The following SKI variants were observed in gnomAD, a reference collection of about 807,000 sequenced individuals.
The protein encoded by SKI is ski oncogene.
SKI carries 23 observed loss-of-function variants against 59.3 expected under a neutral mutation model. That is an observed-to-expected ratio of 0.39 (90% CI 0.28 to 0.55). The LOEUF (loss-of-function observed/expected upper bound fraction) is 0.55. Ranked by LOEUF, SKI falls within the 20% of genes least tolerant of loss-of-function variation. The pLI is 0.67. For synonymous variants in SKI, 673 were observed against 488.6 expected (o/e 1.38, Z -4.98); for missense variants, 1,017 against 1,038.9 (o/e 0.98, Z 0.29).
At chr1:2,251,409 C>T (rs1200654515) in intron 1 of SKI, among the ~76,000 whole-genome samples, 2 of 152,154 alleles carry the variant, frequency 1.3e-5, no homozygotes, top group African/African-American at 4.8e-5. Flanking sequence ...GGTGTGAACC[C>T]CCGCTCCCTC....
At position 2,302,993 on chromosome 1, in the gene SKI, C is replaced by T. The variant is rs770539313; in HGVS notation, c.985C>T (p.Pro329Ser). The T allele has an allele frequency of 2.5e-5, 40 of 1,613,492 alleles. 1 individual carries two copies. The highest frequency in any genetic ancestry group is 3.4e-5 in the Non-Finnish European group (40 of 1,180,046). ...RRVPRVSSEP[P>S]ASIRPKTDDT... is the part of the protein sequence containing the mutation. The stretch of plus-strand genomic sequence containing the variant: ...TTGATCGCAGGTCTCCTCTGAGCCT[C>T]CGGCCTCCATAAGACCCAAAACAGA... Residue 329 changes from proline (P) to serine (S), a missense_variant, in exon 2 of 7, where the codon CCG becomes TCG. Transcript: ENST00000378536.
In SKI at chr1:2,229,165, C is replaced by T. The variant is rs937379586; in HGVS notation, c.399C>T (p.Asp133=). 3.1e-6 allele frequency: 5 copies of T among 1,611,974 alleles called. No homozygotes were observed. Among genetic ancestry groups the T allele is most frequent in the South Asian group, 1.1e-5 (1 of 90,992 alleles). ...LPQILNSVLR[D]FSLQQINAVC... The stretch of plus-strand genomic sequence containing the variant: ...AGATTCTCAACTCGGTGCTGCGCGA[C>T]TTCTCGCTGCAGCAGATCAACGCGG... The change falls in exon 1 of 7, where the codon GAC becomes GAT. Residue 133 remains aspartate, a synonymous_variant. Transcript: ENST00000378536. This position sits in a 1 kb window ranked among gnomAD's most constrained non-coding sequence, Gnocchi z 6.3.
intron 1 of SKI, among the ~76,000 whole-genome samples, chr1:2,280,850 C>A (rs60627793): frequency 5.1e-4 from 2 of 3,908 alleles, no homozygotes; most frequent in African/African-American, 1.1e-3. Flanking sequence ...GCGGCGGCGG[C>A]GATCTTCAGA....
In SKI at chr1:2,303,027, C is replaced by G; in HGVS notation, c.1019C>G (p.Ser340Cys). 6.2e-7 allele frequency: 1 copy of G among 1,613,762 alleles called. No individual in the cohort carries two copies. The highest frequency in any genetic ancestry group is 1.7e-5 in the Admixed American group (1 of 60,034). The change falls in exon 2 of 7, where the codon TCT becomes TGT. Residue 340 changes from serine to cysteine, a missense_variant. Ser to Cys is a moderately radical substitution (Grantham distance 112). Coordinates refer to ENST00000378536, the MANE Select transcript of SKI (RefSeq NM_003036.4). The surrounding 1 kb of genome is among the most constrained non-coding windows in gnomAD (Gnocchi z 5.6). The stretch of plus-strand genomic sequence containing the variant: ...ATAAGACCCAAAACAGATGACACCT[C>G]TTCCCAGTCCCCCGCGCCTTCCGAA... ...ASIRPKTDDT[S>C]SQSPAPSEKD...
In SKI at chr1:2,310,060, CTATTTT is replaced by C. The variant is rs2100935402; in HGVS notation, c.*3299_*3304del. ...TGATGCTTACTCTGCTACTCGGAAA[CTATTTT>C]TATGTAATTAATGTATGCTTTCTTG... On this transcript the variant is annotated 3_prime_UTR_variant, in exon 7 of 7. Coordinates refer to ENST00000378536, the MANE Select transcript of SKI (RefSeq NM_003036.4). The C allele has an allele frequency of 6.6e-6, 1 of 151,152 alleles. No individual in the cohort carries two copies. The highest frequency in any genetic ancestry group is 2.4e-5 in the African/African-American group (1 of 41,084). 9.4% of individuals were successfully genotyped at this position (151,152 alleles called of 1,614,324 possible).
intron 1 of SKI, among the ~76,000 whole-genome samples, chr1:2,284,204 G>A (rs1038263579): frequency 2.0e-5 from 3 of 152,070 alleles, no homozygotes; most frequent in East Asian, 1.9e-4. Context: ...CCAACACAGC[G>A]TCCTCCCCGT....
At chr1:2,243,585 C>T (rs528143450) in intron 1 of SKI, among the ~76,000 whole-genome samples, 4 of 152,202 alleles carry the variant, frequency 2.6e-5, no homozygotes, top group Non-Finnish European at 5.9e-5. Flanking sequence ...GGCTGTGGTG[C>T]ACCATGTGGG....
intron 1 of SKI, among the ~76,000 whole-genome samples, chr1:2,272,822 C>T (rs888449376): frequency 2.6e-4 from 39 of 152,174 alleles, no homozygotes; most frequent in Admixed American, 2.0e-4. Flanking sequence ...GTTCTCACCA[C>T]GCCCCGAGCC....
chr1:2,263,577 G>GT (rs1037487187), intron 1 of SKI, among the ~76,000 whole-genome samples: 23 of 150,830 alleles, frequency 1.5e-4, no homozygotes, highest in Admixed American at 4.0e-4. Flanking sequence ...GTTGGTGTGT[G>GT]TTTTTTTTTC....
chr1:2,308,176 A>G lies in SKI; in HGVS notation c.*1411A>G, dbSNP rs148901982. On this transcript the variant is annotated 3_prime_UTR_variant, in exon 7 of 7. Coordinates refer to ENST00000378536, the MANE Select transcript of SKI (RefSeq NM_003036.4). ...TATTTACATAAGAAGATCTTACAGG[A>G]GTTCTTTGCTTGAATCCGTTCTAAC... is the stretch of plus-strand genomic sequence containing the variant. 2 of 152,338 alleles carry G rather than the reference A, an allele frequency of 1.3e-5. No homozygotes were observed. The highest frequency in any genetic ancestry group is 3.9e-4 in the East Asian group (2 of 5,194). 9.4% of individuals were successfully genotyped at this position (152,338 alleles called of 1,614,324 possible). A position where few individuals can be genotyped will look rare whatever the true frequency, so the allele number is the denominator to read the frequency against.
intron 1 of SKI, among the ~76,000 whole-genome samples, chr1:2,233,042 T>C (rs1264621507): frequency 6.6e-6 from 1 of 152,108 alleles, no homozygotes; most frequent in South Asian, 2.1e-4. Flanking sequence ...GGAGACAAAA[T>C]GTGGCAGTTG....
At chr1:2,243,970 T>G (rs1250655526) in intron 1 of SKI, among the ~76,000 whole-genome samples, 1 of 152,018 alleles carries the variant, frequency 6.6e-6, no homozygotes, top group African/African-American at 2.4e-5. Flanking sequence ...CTTTCTTTCT[T>G]TCTTTCTTTT....
At position 2,267,248 on chromosome 1, in the gene SKI, TAGC is replaced by T. The variant is rs948435371; in HGVS notation, c.970-35727_970-35725del. ...TAACATCTGCAGGCACAGGCGACGA[TAGC>T]AGTTGTGGGCCAGCCGTCAGGAAAG... On this transcript the variant is annotated intron_variant, in intron 1 of 6. Transcript: ENST00000378536. The surrounding 1 kb of genome is among the most constrained non-coding windows in gnomAD (Gnocchi z 4.1). Among the ~76,000 whole-genome samples the T allele has an allele frequency of 1.3e-5, 2 of 152,124 alleles. No individual in the cohort carries two copies. The highest frequency in any genetic ancestry group is 2.9e-5 in the Non-Finnish European group (2 of 68,034).
chr1:2,234,508 TG>T (rs922223860), intron 1 of SKI, among the ~76,000 whole-genome samples: 19 of 152,248 alleles, frequency 1.2e-4, no homozygotes, highest in African/African-American at 4.6e-4. Context: ...CGAGGAAGTC[TG>T]GGGTAAGTGT....
At chr1:2,285,959 T>C (rs1640032496) in intron 1 of SKI, among the ~76,000 whole-genome samples, 1 of 147,438 alleles carries the variant, frequency 6.8e-6, no homozygotes, top group Non-Finnish European at 1.5e-5. Context: ...CTGCAAGCTC[T>C]GCCTCCCCGG....
rs1638552138 is a variant in SKI, at chr1:2,228,498, G to A, written c.-269G>A. On this transcript the variant is annotated 5_prime_UTR_variant, in exon 1 of 7. Transcript: ENST00000378536. ...GGGGCGCGCGGGGGACGCGCGGGGG[G>A]CCCGGGCGGCGGCGGGCGCGGCGCG... is the stretch of plus-strand genomic sequence containing the variant. Among the ~76,000 whole-genome samples the A allele has an allele frequency of 7.0e-6, 1 of 142,562 alleles. No individual in the cohort carries two copies. Among genetic ancestry groups the A allele is most frequent in the Non-Finnish European group, 1.6e-5 (1 of 64,448 alleles). 93.5% of individuals were successfully genotyped at this position (142,562 alleles called of 152,430 possible).
At chr1:2,231,355 T>A (rs1031767482) in intron 1 of SKI, among the ~76,000 whole-genome samples, 3 of 152,112 alleles carry the variant, frequency 2.0e-5, no homozygotes, top group Non-Finnish European at 4.4e-5. Context: ...AGGGTGTGTC[T>A]GCGTTTGTTT....
chr1:2,234,829 A>G (rs1283675665), intron 1 of SKI, among the ~76,000 whole-genome samples: 2 of 152,206 alleles, frequency 1.3e-5, no homozygotes, highest in Non-Finnish European at 2.9e-5. Flanking sequence ...TATTTCCCTA[A>G]TATCTGGGAG....
chr1:2,289,317 C>A (rs963938179), intron 1 of SKI, among the ~76,000 whole-genome samples: 6 of 152,298 alleles, frequency 3.9e-5, no homozygotes, highest in Non-Finnish European at 8.8e-5. Context: ...CATCCCTCTT[C>A]GGTGAGGGTG....
Sources: gnomAD v4.1 joint callset for allele counts (sites outside exome capture counted in the v4.1 genomes callset) on GRCh38, gnomAD v4.1.1 for gene constraint, Gnocchi (gnomAD v3.1) non-coding constraint, MANE v1.5 for transcripts, NCBI Gene and HGNC (gene_info 2026-07-23, HGNC 2026-07-21) for gene names.